HERC3: variants seen among roughly 807,000 people sequenced by gnomAD.
HERC3 encodes the protein HECT and RLD domain containing E3 ubiquitin protein ligase 3, also known as probable E3 ubiquitin-protein ligase HERC3.
In HERC3, 58 loss-of-function variants were observed where a neutral mutation model predicts 129.9. That is an observed-to-expected ratio of 0.45 (90% CI 0.36 to 0.56). The LOEUF is 0.56. Among genes scored for constraint, HERC3 ranks in the 20% least tolerant of loss-of-function variants. The pLI is 0.00. For missense variants in HERC3, 835 were observed against 1,244.2 expected (o/e 0.67, Z 4.95); for synonymous variants, 430 against 451.0 (o/e 0.95, Z 0.59).
intron 7 of HERC3, among the ~76,000 whole-genome samples, chr4:88,654,838 A>G (rs1729712797): frequency 6.6e-6 from 1 of 152,184 alleles, no homozygotes; most frequent in Non-Finnish European, 1.5e-5. Context: ...CATGTGAATG[A>G]TCATGTAAAA....
intron 16 of HERC3, among the ~76,000 whole-genome samples, chr4:88,673,380 G>A (rs778954162): frequency 6.6e-6 from 1 of 151,874 alleles, no homozygotes; most frequent in African/African-American, 2.4e-5. Flanking sequence ...TGTTGACTTC[G>A]TATTTAAAAA....
In HERC3 at chr4:88,595,934, C is replaced by T. The variant is rs538387879; in HGVS notation, c.-30+320C>T. ...CGGGATCTCGGCTCACTGCAGGCTCCGCCCCCCGGGGTTCATGCCATTCTC... is the reference window on the plus strand; with the variant it reads ...CGGGATCTCGGCTCACTGCAGGCTCTGCCCCCCGGGGTTCATGCCATTCTC... On this transcript the variant is annotated intron_variant, in intron 2 of 25. Coordinates refer to ENST00000402738, the MANE Select transcript of HERC3 (RefSeq NM_014606.3). Among the ~76,000 whole-genome samples the T allele has an allele frequency of 9.3e-5, 14 of 150,660 alleles. No individual in the cohort carries two copies. In the South Asian group the frequency reaches 1.0e-3, roughly 11 times the overall value.
chr4:88,687,072 C>A, intron 22 of HERC3, 145 bp from the exon 23 acceptor site: 1 of 670,232 alleles, frequency 1.5e-6, no homozygotes, highest in Non-Finnish European at 2.5e-6. Flanking sequence ...TGTTTTCTGA[C>A]TCAAGTTCTG....
chr4:88,628,429 A>G (rs1726370131), intron 3 of HERC3, among the ~76,000 whole-genome samples: 1 of 151,862 alleles, frequency 6.6e-6, no homozygotes, highest in Non-Finnish European at 1.5e-5. Context: ...TTTTATTTAC[A>G]GTGGGTTTTT....
At chr4:88,558,554 C>T in the HERC3 span, among the ~76,000 whole-genome samples, 25 of 152,184 alleles carry the variant, frequency 1.6e-4, no homozygotes, top group African/African-American at 4.8e-4. Context: ...GTACAGTGTA[C>T]GCTATTTGGG....
At chr4:88,570,384 C>T in the HERC3 span, among the ~76,000 whole-genome samples, 1 of 152,128 alleles carries the variant, frequency 6.6e-6, no homozygotes, top group African/African-American at 2.4e-5. Context: ...CAATCTTAGT[C>T]AGAGGTTTAC....
intron 23 of HERC3, among the ~76,000 whole-genome samples, chr4:88,695,171 G>A (rs749427302): frequency 4.6e-5 from 7 of 151,936 alleles, no homozygotes; most frequent in African/African-American, 1.2e-4. Context: ...TGTATGTAAC[G>A]TATTATTCTG....
At chr4:88,620,876 C>T (rs554822849) in intron 3 of HERC3, among the ~76,000 whole-genome samples, 1 of 152,248 alleles carries the variant, frequency 6.6e-6, no homozygotes, top group Non-Finnish European at 1.5e-5. Flanking sequence ...GGTCTCTGCT[C>T]CCATGGCACC....
At chr4:88,645,357 G>T (rs888284138) in intron 3 of HERC3, among the ~76,000 whole-genome samples, 1 of 152,210 alleles carries the variant, frequency 6.6e-6, no homozygotes, top group Non-Finnish European at 1.5e-5. Context: ...TAATTGTAGA[G>T]TTGACAATTT....
chr4:88,585,920 A>T, the HERC3 span, among the ~76,000 whole-genome samples: 53 of 152,328 alleles, frequency 3.5e-4, no homozygotes, highest in Middle Eastern at 3.4e-3. Context: ...AAGATTTTTT[A>T]AAAATTACTG....
At chr4:88,640,600 C>T (rs542706780) in intron 3 of HERC3, among the ~76,000 whole-genome samples, 1 of 152,098 alleles carries the variant, frequency 6.6e-6, no homozygotes, top group African/African-American at 2.4e-5. Context: ...GGGAGAGCAT[C>T]AGGACAAATA....
Position 88,680,126 on chromosome 4 carries a change from G to A in HERC3, c.2230G>A (p.Gly744Ser), listed in dbSNP as rs1290536960. Residue 744 changes from glycine (G) to serine (S), a missense_variant, in exon 20 of 26, where the codon GGT becomes AGT. Transcript: ENST00000402738. The part of the protein sequence containing the change: ...IFDGEEAVDA[G>S]GVTKEFFLLL... Reference sequence around the variant, plus strand: ...TGATGGTGAAGAAGCAGTGGATGCCGGTGGTGTTACAAAGGAATTTTTTCT... The same window carrying A: ...TGATGGTGAAGAAGCAGTGGATGCCAGTGGTGTTACAAAGGAATTTTTTCT... The A allele has an allele frequency of 2.5e-6, 4 of 1,612,804 alleles. No individual in the cohort carries two copies. The highest frequency in any genetic ancestry group is 1.3e-5 in the African/African-American group (1 of 74,958).
chr4:88,527,995 T>C, the HERC3 span: 1 of 277,340 alleles, frequency 3.6e-6, no homozygotes, highest in Admixed American at 3.9e-5. Context: ...ATCTTGCCCC[T>C]CAGATCCAAA....
At chr4:88,578,955 G>A in the HERC3 span, among the ~76,000 whole-genome samples, 1 of 152,200 alleles carries the variant, frequency 6.6e-6, no homozygotes, top group Non-Finnish European at 1.5e-5. Context: ...ACTGGGAACT[G>A]TTGAGATGAA....
the HERC3 span, among the ~76,000 whole-genome samples, chr4:88,567,115 A>G: frequency 6.6e-6 from 1 of 151,924 alleles, no homozygotes; most frequent in Non-Finnish European, 1.5e-5. Context: ...ATATCATGCC[A>G]CTCTGTCCTG....
the HERC3 span, among the ~76,000 whole-genome samples, chr4:88,581,313 T>TA: frequency 1.3e-5 from 2 of 151,454 alleles, no homozygotes; most frequent in Non-Finnish European, 2.9e-5. Flanking sequence ...TATTATTTTT[T>TA]TTTTGAGACG....
chr4:88,698,171 C>T lies in HERC3; in HGVS notation c.2658-5927C>T, dbSNP rs144505182. 7.9e-5 allele frequency among the ~76,000 whole-genome samples: 12 copies of T among 152,234 alleles called. No homozygotes were observed. The East Asian group carries it at 2.3e-3, about 29-fold the overall frequency. On this transcript the variant is annotated intron_variant, in intron 23 of 25. Transcript: ENST00000402738. ...CCCATCCAGGCCCTTCTACAAATGC[C>T]AGTGCATATGTCTTCGCTTTCCTCT...
At chr4:88,617,031 G>A (rs894064317) in intron 3 of HERC3, among the ~76,000 whole-genome samples, 1 of 151,822 alleles carries the variant, frequency 6.6e-6, no homozygotes, top group Non-Finnish European at 1.5e-5. Context: ...TTTTTTGGGC[G>A]CCAGAATTGG....
At chr4:88,619,766 GAT>G (rs1328702371) in intron 3 of HERC3, among the ~76,000 whole-genome samples, 1 of 152,154 alleles carries the variant, frequency 6.6e-6, no homozygotes, top group African/African-American at 2.4e-5. Flanking sequence ...ATAAGAAAAA[GAT>G]AAGCAATCCT....
Sources: allele counts gnomAD v4.1 joint callset (sites outside exome capture counted in the v4.1 genomes callset), GRCh38; gene constraint gnomAD v4.1.1; transcripts MANE v1.5; gene names NCBI Gene and HGNC (gene_info 2026-07-23, HGNC 2026-07-21).